The following KMT2B variants were observed in gnomAD, a reference collection of about 807,000 sequenced individuals.
KMT2B encodes lysine methyltransferase 2B, also known as histone-lysine N-methyltransferase 2B.
KMT2B carries 22 observed loss-of-function variants against 255.3 expected under a neutral mutation model. The ratio of observed to expected loss-of-function variants is 0.09; its 90% CI spans 0.06 to 0.12. The LOEUF is 0.12. Among genes scored for constraint, KMT2B ranks in the 10% least tolerant of loss-of-function variants. The pLI, the probability that KMT2B is intolerant of heterozygous loss-of-function variation, is 1.00. For missense variants in KMT2B, 3,149 were observed against 3,737.0 expected, an observed-to-expected ratio of 0.84 and a Z score of 4.10; for synonymous variants, 1,730 against 1,498.1, an observed-to-expected ratio of 1.15 and a Z score of -3.57.
At position 35,720,284 on chromosome 19, in the gene KMT2B, A is replaced by C. The variant is rs1969131216; in HGVS notation, c.937A>C (p.Lys313Gln). The stretch of plus-strand genomic sequence containing the variant: ...GATCAAGTTTGTTTCAAGGGCCAAA[A>C]AAGTAAAGATGGGACAATTGTCCTT... ...FVIKFVSRAKKVKMGQLSLGL... is the reference protein window; with the variant it reads ...FVIKFVSRAKQVKMGQLSLGL... The change falls in exon 3 of 37, where the codon AAA (lysine) becomes CAA (glutamine). Residue 313 changes from lysine to glutamine, a missense_variant. By Grantham distance (53) the Lys-to-Gln change is moderately conservative (BLOSUM62 1). Around this residue, in one of 18 missense-constraint regions of KMT2B, gnomAD observed 1,188 missense variants for 1,106.4 expected, o/e 1.07. Transcript: ENST00000420124. 6.2e-7 allele frequency: 1 copy of C among 1,613,288 alleles called. No individual in the cohort carries two copies. The highest frequency in any genetic ancestry group is 1.1e-5 in the South Asian group (1 of 90,960).
rs762206839 is a variant in KMT2B at position 35,733,314 on chromosome 19, G to A, written c.6765G>A (p.Pro2255=). Residue 2255 remains proline, a synonymous_variant, in exon 28 of 37, where the codon CCG becomes CCA. Coordinates refer to ENST00000420124, the MANE Select transcript of KMT2B (RefSeq NM_014727.3). The surrounding 1 kb of genome is among the most constrained non-coding windows in gnomAD (Gnocchi z 4.3). The stretch of plus-strand genomic sequence containing the variant: ...GAGTGGTCCGCCCTGCCCCGCCCCC[G>A]CCACCCCCTCCCCTGACGCTGGTGC... ...VVGVVRPAPP[P]PPPPLTLVLS... is the part of the protein sequence containing the mutation. 3.5e-5 allele frequency: 17 copies of A among 481,288 alleles called. No individual in the cohort carries two copies. Among genetic ancestry groups the A allele is most frequent in the African/African-American group, 9.4e-5 (3 of 31,892 alleles). 29.8% of individuals were successfully genotyped at this position (481,288 alleles called of 1,614,324 possible). A position where few individuals can be genotyped will look rare whatever the true frequency, so the allele number is the denominator to read the frequency against.
intron 27 of KMT2B, 27 bp from the exon 28 acceptor site, chr19:35,732,188 C>G: frequency 1.3e-6 from 2 of 1,566,996 alleles, no homozygotes; most frequent in Non-Finnish European, 1.7e-6. Context: ...GTGGGAGCTG[C>G]TGGTAACACC....
rs1008959754 is a variant in KMT2B, at chr19:35,729,854, G to T, written c.4918-113G>T. On this transcript the variant is annotated intron_variant, in intron 22 of 36. Coordinates refer to ENST00000420124, the MANE Select transcript of KMT2B (RefSeq NM_014727.3). ...CGGCTGGGGAGAGGCTGCGCCTAGGGAGAGCCTTTGCCGTGCCAGGCTAGA... is the reference window on the plus strand; with the variant it reads ...CGGCTGGGGAGAGGCTGCGCCTAGGTAGAGCCTTTGCCGTGCCAGGCTAGA... 1.3e-5 allele frequency: 14 copies of T among 1,059,804 alleles called. No homozygotes were observed. In the African/African-American group the frequency reaches 2.2e-4, roughly 17 times the overall value. 65.7% of individuals were successfully genotyped at this position (1,059,804 alleles called of 1,614,324 possible).
At position 35,738,695 on chromosome 19, in the gene KMT2B, G is replaced by A; in HGVS notation, c.*138G>A. ...GTTCAGGGTGGATGTGGGCATGCAG[G>A]TGACAAGGGCCCTGCCTCCACCCCT... On this transcript the variant is annotated 3_prime_UTR_variant, in exon 37 of 37. Coordinates refer to ENST00000420124, the MANE Select transcript of KMT2B (RefSeq NM_014727.3). This position sits in a 1 kb window ranked among gnomAD's most constrained non-coding sequence, Gnocchi z 8.7. The A allele has an allele frequency of 2.0e-6, 2 of 976,476 alleles. No homozygotes were observed. Among genetic ancestry groups the A allele is most frequent in the Non-Finnish European group, 3.0e-6 (2 of 675,684 alleles). 60.5% of individuals were successfully genotyped at this position (976,476 alleles called of 1,614,324 possible).
Position 35,719,945 on chromosome 19 carries a change from G to T in KMT2B, c.598G>T (p.Ala200Ser). 6.2e-7 allele frequency: 1 copy of T among 1,613,400 alleles called. No homozygotes were observed. The highest frequency in any genetic ancestry group is 8.5e-7 in the Non-Finnish European group (1 of 1,179,858). Residue 200 changes from alanine (A) to serine (S), a missense_variant, in exon 3 of 37, where the codon GCC becomes TCC. This residue lies in a region of KMT2B where 1,188 missense variants were observed against 1,106.4 expected (regional missense o/e 1.07). Coordinates refer to ENST00000420124, the MANE Select transcript of KMT2B (RefSeq NM_014727.3). ...VQALTELLRR[A>S]QAPQAPRSRA... ...GGCACTGACTGAACTTCTCCGGCGG[G>T]CCCAGGCACCCCAAGCACCCCGGAG...
intron 18 of KMT2B, 51 bp downstream of exon 18, chr19:35,728,036 C>A: frequency 6.4e-7 from 1 of 1,551,520 alleles, no homozygotes. Flanking sequence ...ACCTTCAGAC[C>A]CTGCCCCTGC....
intron 23 of KMT2B, 44 bp from the exon 24 acceptor site, chr19:35,730,298 C>G (rs201005701): frequency 6.2e-7 from 1 of 1,606,794 alleles, no homozygotes; most frequent in African/African-American, 1.3e-5. Context: ...GCATCCACCT[C>G]CCCCACCAAT....
chr19:35,728,584 C>T (rs1241852828), intron 19 of KMT2B, among the ~76,000 whole-genome samples, 190 bp from the exon 20 acceptor site: 1 of 152,112 alleles, frequency 6.6e-6, no homozygotes, highest in Non-Finnish European at 1.5e-5. Flanking sequence ...AAGAGTATTG[C>T]AGGCATGAGG....
At chr19:35,724,811 G>T (rs772770931) in intron 9 of KMT2B, 80 bp downstream of exon 9, 89 of 1,300,818 alleles carry the variant, frequency 6.8e-5, no homozygotes, top group Non-Finnish European at 8.7e-5. Flanking sequence ...CCTGAGTGTC[G>T]TGGTGTGTCC....
In KMT2B at chr19:35,721,707, G is replaced by T. The variant is rs756341773; in HGVS notation, c.2360G>T (p.Gly787Val). 6.2e-7 allele frequency: 1 copy of T among 1,610,402 alleles called. No individual in the cohort carries two copies. The highest frequency in any genetic ancestry group is 1.1e-5 in the South Asian group (1 of 90,648). Residue 787 changes from glycine (G) to valine (V), a missense_variant, in exon 3 of 37, where the codon GGG becomes GTG. By Grantham distance (109) the Gly-to-Val change is moderately radical. Around this residue, in one of 18 missense-constraint regions of KMT2B, gnomAD observed 1,188 missense variants for 1,106.4 expected, o/e 1.07. Coordinates refer to ENST00000420124, the MANE Select transcript of KMT2B (RefSeq NM_014727.3). ...GGCGTGGGTTCCTTGCCGCTGTCTGGGGTAGAGGAGAAGATGTTCAGCCTC... is the reference window on the plus strand; with the variant it reads ...GGCGTGGGTTCCTTGCCGCTGTCTGTGGTAGAGGAGAAGATGTTCAGCCTC... Reference protein sequence around the residue: ...IAGVGSLPLSGVEEKMFSLLK... With the variant: ...IAGVGSLPLSVVEEKMFSLLK...
Position 35,719,862 on chromosome 19 carries a change from C to G in KMT2B, c.515C>G (p.Thr172Ser). 1 of 1,612,928 alleles carries G rather than the reference C, an allele frequency of 6.2e-7. No homozygotes were observed. Among genetic ancestry groups the G allele is most frequent in the South Asian group, 1.1e-5 (1 of 91,056 alleles). The change falls in exon 3 of 37, where the codon ACC (threonine) becomes AGC (serine). Residue 172 changes from threonine (T) to serine (S), a missense_variant. This residue lies in a region of KMT2B where 1,188 missense variants were observed against 1,106.4 expected (regional missense o/e 1.07). Coordinates refer to ENST00000420124, the MANE Select transcript of KMT2B (RefSeq NM_014727.3). ...CCTCGCCTAGCAGATGTGGCTCCTACCCCCCCAAAGACCCCTGCCCGGAAA... is the reference window on the plus strand; with the variant it reads ...CCTCGCCTAGCAGATGTGGCTCCTAGCCCCCCAAAGACCCCTGCCCGGAAA... Reference protein sequence around the residue: ...PPPRLADVAPTPPKTPARKRG... With the variant: ...PPPRLADVAPSPPKTPARKRG...
intron 19 of KMT2B, 54 bp from the exon 20 acceptor site, chr19:35,728,720 C>G: frequency 7.1e-7 from 1 of 1,405,336 alleles, no homozygotes; most frequent in Non-Finnish European, 1.0e-6. Flanking sequence ...TGGATGGGCC[C>G]CCGTTCAGCT....
rs762130956 is a variant in KMT2B, at chr19:35,722,764, C to G, written c.2722+46C>G. 19 of 1,538,984 alleles carry G rather than the reference C, an allele frequency of 1.2e-5. No homozygotes were observed. In the South Asian group the frequency reaches 2.4e-4, roughly 20 times the overall value. On this transcript the variant is annotated intron_variant, in intron 5 of 36. Transcript: ENST00000420124. The stretch of plus-strand genomic sequence containing the variant: ...GCCATGTCAGGTTTGGGGATGACCC[C>G]ACACTTGGGTGACATGCACCAAGAG...
In KMT2B at chr19:35,718,270, G is replaced by T; in HGVS notation, c.252G>T (p.Trp84Cys). ...GCCTGCGCCGGCTCCGCCGCCTGTG[G>T]GCCGGCCCGCGGGTCCAGCGGGGCC... is the stretch of plus-strand genomic sequence containing the variant. Reference protein sequence around the residue: ...RRGLRRLRRLWAGPRVQRGRG... With the variant: ...RRGLRRLRRLCAGPRVQRGRG... Residue 84 changes from tryptophan (W) to cysteine (C), a missense_variant, in exon 1 of 37, where the codon TGG (tryptophan) becomes TGT (cysteine). Coordinates refer to ENST00000420124, the MANE Select transcript of KMT2B (RefSeq NM_014727.3). The surrounding 1 kb of genome is among the most constrained non-coding windows in gnomAD (Gnocchi z 5.0). The T allele has an allele frequency of 1.6e-6, 2 of 1,217,852 alleles. No individual in the cohort carries two copies. The highest frequency in any genetic ancestry group is 2.1e-6 in the Non-Finnish European group (2 of 970,758). 75.4% of individuals were successfully genotyped at this position (1,217,852 alleles called of 1,614,324 possible).
At position 35,733,270 on chromosome 19, in the gene KMT2B, G is replaced by A. The variant is rs779883307; in HGVS notation, c.6721G>A (p.Gly2241Ser). The change falls in exon 28 of 37, where the codon GGC becomes AGC. Residue 2241 changes from glycine (G) to serine (S), a missense_variant. By Grantham distance (56) the Gly-to-Ser change is moderately conservative. Around this residue, in one of 18 missense-constraint regions of KMT2B, gnomAD observed 897 missense variants for 825.3 expected, o/e 1.09. Coordinates refer to ENST00000420124, the MANE Select transcript of KMT2B (RefSeq NM_014727.3). The surrounding 1 kb of genome is among the most constrained non-coding windows in gnomAD (Gnocchi z 4.3). ...GACTCTGCCCCCAGGCCCCCTCCTC[G>A]GCGTGCTGCCCGTGGTCGGAGTGGT... ...SWTLPPGPLL[G>S]VLPVVGVVRP... is the part of the protein sequence containing the mutation. The A allele has an allele frequency of 3.9e-5, 56 of 1,427,428 alleles. No individual in the cohort carries two copies. The highest frequency in any genetic ancestry group is 7.6e-5 in the East Asian group (3 of 39,334). 88.4% of individuals were successfully genotyped at this position (1,427,428 alleles called of 1,614,324 possible). A position where few individuals can be genotyped will look rare whatever the true frequency, so the allele number is the denominator to read the frequency against.
intron 5 of KMT2B, 34 bp from the exon 6 acceptor site, chr19:35,722,961 G>A (rs758072499): frequency 2.0e-6 from 3 of 1,503,382 alleles, no homozygotes; most frequent in Non-Finnish European, 2.7e-6. Context: ...GTGGCTTTGT[G>A]GCTCCATCCC....
At position 35,737,344 on chromosome 19, in the gene KMT2B, G is replaced by A. The variant is rs537787503; in HGVS notation, c.7550+81G>A. 17 of 1,369,456 alleles carry A rather than the reference G, an allele frequency of 1.2e-5. No individual in the cohort carries two copies. In the South Asian group the frequency reaches 2.6e-4, roughly 21 times the overall value. 84.8% of individuals were successfully genotyped at this position (1,369,456 alleles called of 1,614,324 possible). ...GGGTGGGAGTTAACTGTAGAGGTTGGAAACTGAGGCCTGGGGAGGAGACAC... is the reference window on the plus strand; with the variant it reads ...GGGTGGGAGTTAACTGTAGAGGTTGAAAACTGAGGCCTGGGGAGGAGACAC... On this transcript the variant is annotated intron_variant, in intron 33 of 36. Transcript: ENST00000420124. The surrounding 1 kb of genome is among the most constrained non-coding windows in gnomAD (Gnocchi z 5.3).
chr19:35,730,258 G>A, intron 23 of KMT2B, 84 bp from the exon 24 acceptor site: 1 of 1,598,180 alleles, frequency 6.3e-7, no homozygotes, highest in South Asian at 1.1e-5. Flanking sequence ...AGGCCTTTAG[G>A]CCAAGCCCCT....
In KMT2B at chr19:35,720,651, C is replaced by T; in HGVS notation, c.1304C>T (p.Pro435Leu). The T allele has an allele frequency of 1.4e-6, 2 of 1,474,588 alleles. No homozygotes were observed. Among genetic ancestry groups the T allele is most frequent in the South Asian group, 2.8e-5 (2 of 70,516 alleles). The allele number at this position is 1,474,588 out of a possible 1,614,324, so 91.3% of individuals were successfully genotyped here. A position where few individuals can be genotyped will look rare whatever the true frequency, so the allele number is the denominator to read the frequency against. The change falls in exon 3 of 37, where the codon CCA becomes CTA. Residue 435 changes from proline (P) to leucine (L), a missense_variant. This residue lies in a region of KMT2B where 1,188 missense variants were observed against 1,106.4 expected (regional missense o/e 1.07). Coordinates refer to ENST00000420124, the MANE Select transcript of KMT2B (RefSeq NM_014727.3). ...PPPLCPPPPP[P>L]VSPPPLPSPP... Reference sequence around the variant, plus strand: ...CCACTCTGCCCTCCACCACCACCCCCAGTGTCCCCACCACCTCTACCATCC... The same window carrying T: ...CCACTCTGCCCTCCACCACCACCCCTAGTGTCCCCACCACCTCTACCATCC...
Sources: gnomAD v4.1 joint callset for allele counts (sites outside exome capture counted in the v4.1 genomes callset) on GRCh38, gnomAD v4.1.1 for gene constraint, gnomAD v4.1.1 regional missense constraint, Gnocchi (gnomAD v3.1) non-coding constraint, MANE v1.5 for transcripts, NCBI Gene and HGNC (gene_info 2026-07-23, HGNC 2026-07-21) for gene names.